Variants in PCDHA11 observed in about 807,000 individuals in gnomAD.
PCDHA11 encodes protocadherin alpha 11, also known as protocadherin alpha-11.
In PCDHA11, 61 loss-of-function variants were observed where a neutral mutation model predicts 70.3. That is an observed-to-expected ratio of 0.87 (90% CI 0.71 to 1.07). The LOEUF (loss-of-function observed/expected upper bound fraction) is 1.07. PCDHA11 is among the 50% of genes least tolerant of loss of function. PCDHA11 has a pLI of 0.00. For missense variants in PCDHA11, 1,324 were observed against 1,237.5 expected (o/e 1.07, Z -1.05); for synonymous variants, 633 against 555.1 (o/e 1.14, Z -1.97).
At position 140,946,611 on chromosome 5, in the gene PCDHA11, A is replaced by AATATATAT. The variant is rs1554217734; in HGVS notation, c.2392-32324_2392-32317dup. Among the ~76,000 whole-genome samples, 282 of 86,744 alleles carry AATATATAT rather than the reference A, an allele frequency of 3.3e-3. 10 individuals carry two copies. Among genetic ancestry groups the AATATATAT allele is most frequent in the African/African-American group, 0.015 (234 of 15,690 alleles). The allele number at this position is 86,744 out of a possible 152,430, so 56.9% of individuals were successfully genotyped here. A position where few individuals can be genotyped will look rare whatever the true frequency, so the allele number is the denominator to read the frequency against. Reference sequence around the variant, plus strand: ...GGATGAATAGATAAAGAAAATGTGAAATATATATATATATATATATACAAT... The same window carrying AATATATAT: ...GGATGAATAGATAAAGAAAATGTGAAATATATATATATATATATATATATATATACAAT... On this transcript the variant is annotated intron_variant, in intron 1 of 3. Coordinates refer to ENST00000398640, the MANE Select transcript of PCDHA11 (RefSeq NM_018902.5).
intron 1 of PCDHA11, among the ~76,000 whole-genome samples, chr5:140,893,408 T>C (rs1562871197): frequency 6.6e-6 from 1 of 152,076 alleles, no homozygotes; most frequent in Non-Finnish European, 1.5e-5. Flanking sequence ...ATCCCAGCAC[T>C]TAGGGAGGCA....
chr5:141,003,167 C>T (rs1160809977), intron 3 of PCDHA11, among the ~76,000 whole-genome samples: 1 of 152,180 alleles, frequency 6.6e-6, no homozygotes, highest in Non-Finnish European at 1.5e-5. Context: ...AATCCTAGTC[C>T]CTGAGGCTCA....
At chr5:140,877,766 C>T in intron 1 of PCDHA11, 2 of 1,614,186 alleles carry the variant, frequency 1.2e-6, no homozygotes, top group South Asian at 2.2e-5. Flanking sequence ...GAGAGCCCGC[C>T]CAAGACGGAC....
intron 1 of PCDHA11, among the ~76,000 whole-genome samples, chr5:140,944,938 A>G (rs2153667882): frequency 6.6e-6 from 1 of 152,262 alleles, no homozygotes; most frequent in African/African-American, 2.4e-5. Context: ...CCTTCTTTAG[A>G]TGATTGTGAA....
At position 140,883,588 on chromosome 5, in the gene PCDHA11, C is replaced by A. The variant is rs781923113; in HGVS notation, c.2391+12094C>A. 5.6e-6 allele frequency: 9 copies of A among 1,613,794 alleles called. No homozygotes were observed. In the East Asian group the frequency reaches 6.7e-5, roughly 12 times the overall value. ...CGCCTTCGCTGTGGGCCACGGCCAG[C>A]GTGTCGGTGGGGGTGGCCGACGTGA... is the stretch of plus-strand genomic sequence containing the variant. On this transcript the variant is annotated intron_variant, in intron 1 of 3. Coordinates refer to ENST00000398640, the MANE Select transcript of PCDHA11 (RefSeq NM_018902.5).
At chr5:140,882,684 G>A (rs781811851) in intron 1 of PCDHA11, 3 of 1,614,172 alleles carry the variant, frequency 1.9e-6, no homozygotes, top group South Asian at 1.1e-5. Context: ...AGCAAGAAAC[G>A]AATAATCATT....
intron 1 of PCDHA11, among the ~76,000 whole-genome samples, chr5:140,880,149 A>G (rs1347832078): frequency 1.3e-5 from 2 of 152,266 alleles, no homozygotes; most frequent in Non-Finnish European, 2.9e-5. Flanking sequence ...AGTGCAATAT[A>G]TCAAGTATAT....
chr5:140,930,055 A>G (rs1249446079), intron 1 of PCDHA11: 2 of 152,206 alleles, frequency 1.3e-5, no homozygotes, highest in Admixed American at 6.5e-5. Context: ...GTTTTTGCTT[A>G]CACAAAAACT....
At chr5:140,900,575 C>A (rs994036757) in intron 1 of PCDHA11, among the ~76,000 whole-genome samples, 5 of 152,330 alleles carry the variant, frequency 3.3e-5, no homozygotes, top group African/African-American at 1.2e-4. Flanking sequence ...CGGCACCGGC[C>A]CATTTTCTTT....
chr5:140,911,473 T>C (rs2075497981), intron 1 of PCDHA11, among the ~76,000 whole-genome samples: 1 of 152,180 alleles, frequency 6.6e-6, no homozygotes, highest in Non-Finnish European at 1.5e-5. Flanking sequence ...GATAAGACTC[T>C]CACTCAGGGC....
At chr5:141,009,511 G>C in intron 3 of PCDHA11, 116 bp from the exon 4 acceptor site, 2 of 1,498,174 alleles carry the variant, frequency 1.3e-6, no homozygotes, top group Non-Finnish European at 1.8e-6. Context: ...CAAACAACTC[G>C]TGATTTTTCT....
chr5:140,984,645 C>T (rs1354690786), intron 3 of PCDHA11, among the ~76,000 whole-genome samples: 1 of 152,164 alleles, frequency 6.6e-6, no homozygotes, highest in African/African-American at 2.4e-5. Flanking sequence ...TGCCTTCTCC[C>T]TGTCCTTCTG....
chr5:140,885,873 T>A (rs1365119411), intron 1 of PCDHA11, among the ~76,000 whole-genome samples: 3 of 152,154 alleles, frequency 2.0e-5, no homozygotes, highest in Admixed American at 6.5e-5. Flanking sequence ...TGAAAAAAAA[T>A]TTTTAGTTTC....
intron 1 of PCDHA11, chr5:140,966,646 G>A: frequency 1.8e-6 from 2 of 1,139,684 alleles, no homozygotes; most frequent in Non-Finnish European, 2.3e-6. Flanking sequence ...TTTCTAGAGC[G>A]TGAGCGGTGG....
chr5:140,876,977 A>C (rs782413550), intron 1 of PCDHA11: 12 of 1,612,554 alleles, frequency 7.4e-6, no homozygotes, highest in Non-Finnish European at 1.0e-5. Context: ...GTGGGCGAGC[A>C]CGCACTGTCG....
intron 1 of PCDHA11, among the ~76,000 whole-genome samples, chr5:140,888,040 T>C (rs1338203545): frequency 6.6e-6 from 1 of 152,222 alleles, no homozygotes; most frequent in Non-Finnish European, 1.5e-5. Context: ...TTAGTACATG[T>C]ATAATAGATG....
intron 1 of PCDHA11, among the ~76,000 whole-genome samples, chr5:140,904,906 G>C (rs2071460962): frequency 6.6e-6 from 1 of 152,026 alleles, no homozygotes; most frequent in African/African-American, 2.4e-5. Context: ...TTTTCTTACT[G>C]ATTTGTTTGA....
intron 1 of PCDHA11, chr5:140,968,774 C>G: frequency 6.2e-7 from 1 of 1,614,206 alleles, no homozygotes; most frequent in Non-Finnish European, 8.5e-7. Flanking sequence ...AGAGCCATCA[C>G]TATCAGCCTC....
chr5:140,881,409 A>G (rs2153379419), intron 1 of PCDHA11: 1 of 950,550 alleles, frequency 1.1e-6, no homozygotes, highest in East Asian at 1.2e-4. Context: ...TTAAATCAAT[A>G]GGATATTAGT....
Sources: allele counts gnomAD v4.1 joint callset (sites outside exome capture counted in the v4.1 genomes callset), GRCh38; gene constraint gnomAD v4.1.1; transcripts MANE v1.5; gene names NCBI Gene and HGNC (gene_info 2026-07-23, HGNC 2026-07-21).